EMSY: variants seen among roughly 807,000 people sequenced by gnomAD.
EMSY encodes the protein EMSY transcriptional repressor, BRCA2 interacting.
In EMSY, 26 loss-of-function variants were observed where a neutral mutation model predicts 134.6. The ratio of observed to expected loss-of-function variants is 0.19; its 90% CI spans 0.14 to 0.27. EMSY has a LOEUF of 0.27. EMSY is among the 10% of genes least tolerant of loss of function. The pLI, the probability that EMSY is intolerant of heterozygous loss-of-function variation, is 1.00. For synonymous variants in EMSY, 579 were observed against 577.8 expected, an observed-to-expected ratio of 1.00 and a Z score of -0.03; for missense variants, 1,305 against 1,611.4, an observed-to-expected ratio of 0.81 and a Z score of 3.26.
At chr11:76,480,992 G>A (rs61894530) in intron 8 of EMSY, among the ~76,000 whole-genome samples, 20,672 of 152,182 alleles carry the variant, frequency 0.14, 1,783 homozygotes, top group East Asian at 0.28. Flanking sequence ...CTGGGTGGCC[G>A]TTTGGGCAGA....
exon 5 of EMSY, chr11:76,458,268 G>A (rs746284940): frequency 1.2e-6 from 2 of 1,614,014 alleles, no homozygotes; most frequent in Non-Finnish European, 1.7e-6. Context: ...TCCCCAAACC[G>A]CCTTTACTGT....
intron 17 of EMSY, among the ~76,000 whole-genome samples, chr11:76,541,093 G>T (rs1478154431): frequency 3.3e-5 from 5 of 152,196 alleles, no homozygotes; most frequent in Admixed American, 2.6e-4. Context: ...TGGCGTGGTG[G>T]TGCACACATG....
chr11:76,455,841 A>G (rs551722344), intron 4 of EMSY, among the ~76,000 whole-genome samples: 55 of 151,994 alleles, frequency 3.6e-4, no homozygotes, highest in African/African-American at 1.3e-3. Context: ...TAATTGGACC[A>G]CTCTTGCCCA....
chr11:76,463,315 T>A (rs1948203886), intron 6 of EMSY, among the ~76,000 whole-genome samples: 1 of 146,660 alleles, frequency 6.8e-6, no homozygotes. Context: ...AGAGTGAGAC[T>A]TTGTCTTAAA....
At chr11:76,544,986 A>G (rs1951589904) in intron 19 of EMSY, 164 bp downstream of exon 20, 1 of 755,280 alleles carries the variant, frequency 1.3e-6, no homozygotes, top group Admixed American at 2.9e-5. Flanking sequence ...GGTTGACATT[A>G]GGGAAGAAAT....
At chr11:76,520,608 G>A (rs1450292475) in intron 11 of EMSY, among the ~76,000 whole-genome samples, 1 of 152,140 alleles carries the variant, frequency 6.6e-6, no homozygotes, top group East Asian at 1.9e-4. Flanking sequence ...TGTGAAGCTA[G>A]TTCATAGATT....
At chr11:76,522,063 GAGA>G (rs1950658394) in intron 11 of EMSY, among the ~76,000 whole-genome samples, 1 of 151,992 alleles carries the variant, frequency 6.6e-6, no homozygotes, top group Non-Finnish European at 1.5e-5. Flanking sequence ...TTTTGAAAAA[GAGA>G]AGAAGACAAG....
rs201628075 is a variant in EMSY at position 76,537,777 on chromosome 11, C to A, written c.2360-18C>A. ...GTTTGTAATAAAAGTTAACTTTTCC[C>A]CTGACTTTTTTATGCAGTAAAGGAA... On this transcript the variant is annotated intron_variant, in intron 15 of 20. Coordinates refer to ENST00000334736, the Ensembl canonical transcript of EMSY. 2,098 of 1,579,894 alleles carry A rather than the reference C, an allele frequency of 1.3e-3. 1 individual carries two copies. Among genetic ancestry groups the A allele is most frequent in the Non-Finnish European group, 1.7e-3 (1,968 of 1,162,976 alleles).
intron 10 of EMSY, 99 bp from the exon 12 acceptor site, chr11:76,516,043 T>C: frequency 1.9e-6 from 2 of 1,057,298 alleles, no homozygotes; most frequent in Non-Finnish European, 2.7e-6. Context: ...TTTCAAGTTA[T>C]AGCAATGTAG....
At chr11:76,536,349 A>G (rs935238305) in intron 15 of EMSY, among the ~76,000 whole-genome samples, 3 of 152,108 alleles carry the variant, frequency 2.0e-5, no homozygotes, top group Non-Finnish European at 4.4e-5. Context: ...GGACAGTCCT[A>G]TTGTTCCTTA....
intron 8 of EMSY, among the ~76,000 whole-genome samples, chr11:76,489,542 G>T (rs1949332784): frequency 6.7e-6 from 1 of 150,370 alleles, no homozygotes; most frequent in Non-Finnish European, 1.5e-5. Flanking sequence ...GTGTTTCCAT[G>T]TCTGTCTTTT....
At chr11:76,470,249 C>T (rs1365041620) in intron 7 of EMSY, among the ~76,000 whole-genome samples, 1 of 152,064 alleles carries the variant, frequency 6.6e-6, no homozygotes, top group East Asian at 1.9e-4. Flanking sequence ...AACAGTTTTT[C>T]TTTTCTAGCT....
chr11:76,512,607 G>T (rs1950315856), intron 9 of EMSY, among the ~76,000 whole-genome samples: 1 of 151,052 alleles, frequency 6.6e-6, no homozygotes, highest in Admixed American at 6.6e-5. Context: ...TTAAATGAAT[G>T]CAGGCAGCAA....
At position 76,499,733 on chromosome 11, in the gene EMSY, G is replaced by A. The variant is rs143162033; in HGVS notation, c.1363+3264G>A. ...CTTGCCTATTTGTAGTTTACTTGAA[G>A]AATTTTTAGGGTTTCATGTTGACTT... On this transcript the variant is annotated intron_variant, in intron 9 of 20. Transcript: ENST00000334736. Among the ~76,000 whole-genome samples the A allele has an allele frequency of 6.6e-3, 1,006 of 152,072 alleles. 10 individuals carry two copies. The highest frequency in any genetic ancestry group is 8.8e-3 in the Non-Finnish European group (599 of 67,974).
intron 9 of EMSY, among the ~76,000 whole-genome samples, chr11:76,506,787 A>G (rs1186612894): frequency 6.6e-6 from 1 of 152,262 alleles, no homozygotes; most frequent in Non-Finnish European, 1.5e-5. Context: ...GAAAATCCCG[A>G]TAAGATGAAA....
intron 17 of EMSY, among the ~76,000 whole-genome samples, chr11:76,540,479 TG>T (rs759475275): frequency 3.3e-5 from 5 of 152,210 alleles, no homozygotes; most frequent in Non-Finnish European, 7.3e-5. Context: ...TGTGAAATAT[TG>T]TAAGATACTA....
chr11:76,486,962 C>G (rs1399147465), intron 8 of EMSY, among the ~76,000 whole-genome samples: 3 of 152,132 alleles, frequency 2.0e-5, no homozygotes, highest in Non-Finnish European at 4.4e-5. Context: ...AGAGAAAATT[C>G]TAAAGCAAAA....
intron 9 of EMSY, among the ~76,000 whole-genome samples, chr11:76,510,518 G>C (rs1950236543): frequency 6.6e-6 from 1 of 152,180 alleles, no homozygotes; most frequent in African/African-American, 2.4e-5. Flanking sequence ...ACAGAGTCGG[G>C]GTAAGGGGTT....
exon 1 of EMSY, chr11:76,445,078 C>T (rs1418644315): frequency 6.5e-6 from 1 of 153,060 alleles, no homozygotes; most frequent in Non-Finnish European, 1.5e-5. Flanking sequence ...TCCTGGTGTC[C>T]CCTAGTCTTG....
Sources: gnomAD v4.1 joint callset for allele counts (sites outside exome capture counted in the v4.1 genomes callset) on GRCh38, gnomAD v4.1.1 for gene constraint, MANE v1.5 for transcripts, NCBI Gene and HGNC (gene_info 2026-07-23, HGNC 2026-07-21) for gene names.